Variants in SGCZ observed in about 807,000 individuals in gnomAD.
The protein encoded by SGCZ is zeta-sarcoglycan.
A neutral mutation model predicts 41.3 loss-of-function variants in SGCZ; 40 were observed. The observed-to-expected ratio is 0.97, with a 90% confidence interval of 0.75 to 1.26. SGCZ has a LOEUF of 1.26. Ranked by LOEUF, SGCZ falls within the 50% of genes most tolerant of loss-of-function variation. The probability of loss-of-function intolerance (pLI) is 0.00; values close to 1 mark genes in which losing one functional copy is unlikely to be tolerated. For missense variants in SGCZ, 552 were observed against 369.8 expected, an observed-to-expected ratio of 1.49 and a Z score of -4.04; for synonymous variants, 206 against 137.5, an observed-to-expected ratio of 1.50 and a Z score of -3.49.
rs565684366 is a variant in SGCZ at position 14,243,856 on chromosome 8, G to C, written c.337-6177C>G. On this transcript the variant is annotated intron_variant, in intron 3 of 7. Coordinates refer to ENST00000382080, the MANE Select transcript of SGCZ (RefSeq NM_139167.4). Reference sequence around the variant, plus strand: ...AGTGTTGACATCGATCACAGTACTCGTTGTAGGCTTTTTGACTTACTTTGT... The same window carrying C: ...AGTGTTGACATCGATCACAGTACTCCTTGTAGGCTTTTTGACTTACTTTGT... Among the ~76,000 whole-genome samples, 3 of 152,196 alleles carry C rather than the reference G, an allele frequency of 2.0e-5. No homozygotes were observed. The East Asian group carries it at 5.8e-4, about 29-fold the overall frequency.
chr8:15,019,636 G>A (rs937941767), intron 1 of SGCZ, among the ~76,000 whole-genome samples: 7 of 151,786 alleles, frequency 4.6e-5, no homozygotes, highest in Non-Finnish European at 7.4e-5. Flanking sequence ...TGGACAAAGG[G>A]AGGTGGGGGG....
At chr8:15,196,332 C>G (rs950831335) in intron 1 of SGCZ, among the ~76,000 whole-genome samples, 2 of 152,160 alleles carry the variant, frequency 1.3e-5, no homozygotes, top group African/African-American at 2.4e-5. Context: ...TGACAATCTC[C>G]TGTTGTCTCC....
At chr8:14,452,360 T>A (rs1233018948) in intron 2 of SGCZ, among the ~76,000 whole-genome samples, 2 of 152,142 alleles carry the variant, frequency 1.3e-5, no homozygotes, top group African/African-American at 4.8e-5. Flanking sequence ...AAAATTATTC[T>A]GTGTGATATC....
chr8:14,989,773 T>C (rs1373230086), intron 1 of SGCZ, among the ~76,000 whole-genome samples: 4 of 151,946 alleles, frequency 2.6e-5, no homozygotes, highest in Admixed American at 6.6e-5. Context: ...ATAAGAGAAA[T>C]AGAGTTTCAT....
At chr8:14,165,355 A>G (rs1362752053) in intron 4 of SGCZ, 1 of 152,146 alleles carries the variant, frequency 6.6e-6, no homozygotes, top group Non-Finnish European at 1.5e-5. Flanking sequence ...TGTAATTACA[A>G]AACCAACTTA....
chr8:14,086,114 T>C lies in SGCZ; in HGVS notation c.*4329A>G, dbSNP rs538050545. ...ACATAGAGCAAATAATTTCTCCATA[T>C]GTCATTAAATATGATCACATGAACA... On this transcript the variant is annotated 3_prime_UTR_variant, in exon 8 of 8. Coordinates refer to ENST00000382080, the MANE Select transcript of SGCZ (RefSeq NM_139167.4). 7.2e-4 allele frequency among the ~76,000 whole-genome samples: 109 copies of C among 151,842 alleles called. No individual in the cohort carries two copies. The highest frequency in any genetic ancestry group is 2.5e-3 in the African/African-American group (104 of 41,532).
intron 2 of SGCZ, among the ~76,000 whole-genome samples, chr8:14,422,293 G>C (rs950685053): frequency 2.6e-5 from 4 of 152,156 alleles, no homozygotes; most frequent in African/African-American, 9.6e-5. Flanking sequence ...CTGGATCTTT[G>C]TTTGAAAAGT....
At chr8:14,869,347 A>T (rs1804057917) in intron 1 of SGCZ, among the ~76,000 whole-genome samples, 1 of 152,218 alleles carries the variant, frequency 6.6e-6, no homozygotes, top group African/African-American at 2.4e-5. Flanking sequence ...ACACATGATT[A>T]TCTCAATAGA....
At chr8:14,779,910 A>C (rs947636331) in intron 1 of SGCZ, among the ~76,000 whole-genome samples, 5 of 152,218 alleles carry the variant, frequency 3.3e-5, no homozygotes, top group Non-Finnish European at 1.5e-5. Flanking sequence ...CCAACGTATG[A>C]TCTAGAGATT....
At chr8:15,096,580 G>C (rs904614063) in intron 1 of SGCZ, among the ~76,000 whole-genome samples, 13 of 152,162 alleles carry the variant, frequency 8.5e-5, no homozygotes, top group Non-Finnish European at 1.3e-4. Context: ...ACAGGCCTGA[G>C]AAGCCTTAGA....
intron 1 of SGCZ, among the ~76,000 whole-genome samples, chr8:14,806,102 G>A (rs899331541): frequency 2.0e-5 from 3 of 151,904 alleles, no homozygotes; most frequent in Non-Finnish European, 4.4e-5. Context: ...GAAATTTATA[G>A]CACTAAATGC....
chr8:15,067,543 G>C lies in SGCZ; in HGVS notation c.39+170042C>G, dbSNP rs17120833. Among the ~76,000 whole-genome samples, 1,137 of 152,154 alleles carry C rather than the reference G, an allele frequency of 7.5e-3. 14 individuals are homozygous for C. Among genetic ancestry groups the C allele is most frequent in the African/African-American group, 0.026 (1,063 of 41,494 alleles). On this transcript the variant is annotated intron_variant, in intron 1 of 7. Transcript: ENST00000382080. ...TTAATCCTATTCCCTAGCGCCCTTG[G>C]CAATGCTTATATAAGTATCCATTAT...
At chr8:14,384,463 A>G (rs772704889) in intron 2 of SGCZ, among the ~76,000 whole-genome samples, 1 of 152,230 alleles carries the variant, frequency 6.6e-6, no homozygotes, top group Non-Finnish European at 1.5e-5. Context: ...AAGAGGTTTT[A>G]GAATAGATTG....
chr8:15,093,533 A>G (rs1009998671), intron 1 of SGCZ, among the ~76,000 whole-genome samples: 1 of 152,158 alleles, frequency 6.6e-6, no homozygotes, highest in East Asian at 1.9e-4. Context: ...CATTTATATT[A>G]GCAGAAATAA....
intron 1 of SGCZ, among the ~76,000 whole-genome samples, chr8:14,793,936 C>G (rs778267058): frequency 5.3e-5 from 8 of 152,062 alleles, no homozygotes; most frequent in Non-Finnish European, 1.2e-4. Flanking sequence ...TCTGGTTCTC[C>G]CACTTGGCTT....
intron 4 of SGCZ, among the ~76,000 whole-genome samples, chr8:14,176,951 C>G (rs1402360909): frequency 6.6e-6 from 1 of 152,188 alleles, no homozygotes; most frequent in East Asian, 1.9e-4. Flanking sequence ...TCAAACTGGA[C>G]TTGTCCAAGT....
At chr8:14,392,996 A>C (rs1804829164) in intron 2 of SGCZ, among the ~76,000 whole-genome samples, 1 of 152,116 alleles carries the variant, frequency 6.6e-6, no homozygotes, top group African/African-American at 2.4e-5. Flanking sequence ...AGGAGATAGA[A>C]CTCAAACTGT....
rs748051522 is a variant in SGCZ at position 14,821,508 on chromosome 8, T to TA, written c.40-266583dup. ...TGATTCCAAAAATGAATAAGGAAATTAAAAAAATATATAATATAGGCTAAT... is the reference window on the plus strand; with the variant it reads ...TGATTCCAAAAATGAATAAGGAAATTAAAAAAAATATATAATATAGGCTAAT... On this transcript the variant is annotated intron_variant, in intron 1 of 7. Transcript: ENST00000382080. Among the ~76,000 whole-genome samples the TA allele has an allele frequency of 1.1e-4, 16 of 151,910 alleles. No homozygotes were observed. In the East Asian group the frequency reaches 1.7e-3, roughly 16 times the overall value.
At chr8:15,199,686 A>G (rs1039781476) in intron 1 of SGCZ, among the ~76,000 whole-genome samples, 3 of 152,218 alleles carry the variant, frequency 2.0e-5, no homozygotes, top group African/African-American at 7.2e-5. Context: ...ACCTGTCAAT[A>G]ATATCAAAGT....
Sources: gnomAD v4.1 joint callset for allele counts (sites outside exome capture counted in the v4.1 genomes callset) on GRCh38, gnomAD v4.1.1 for gene constraint, MANE v1.5 for transcripts, NCBI Gene and HGNC (gene_info 2026-07-23, HGNC 2026-07-21) for gene names.